SLC35F5: variants seen among roughly 807,000 people sequenced by gnomAD.
The protein encoded by SLC35F5 is solute carrier family 35 member F5.
In SLC35F5, 54 loss-of-function variants were observed where a neutral mutation model predicts 68.6. The observed-to-expected ratio is 0.79, with a 90% CI of 0.63 to 0.99. The LOEUF is 0.99. Among genes scored for constraint, SLC35F5 ranks in the 50% least tolerant of loss-of-function variants. The pLI is 0.00. For synonymous variants in SLC35F5, 211 were observed against 205.2 expected (o/e 1.03, Z -0.24); for missense variants, 567 against 626.9 (o/e 0.90, Z 1.02).
rs1380171759 is a variant in SLC35F5 at position 113,714,722 on chromosome 2, GT to G, written c.*495del. 2 of 152,094 alleles carry G rather than the reference GT, an allele frequency of 1.3e-5. No individual in the cohort carries two copies. The highest frequency in any genetic ancestry group is 4.8e-5 in the African/African-American group (2 of 41,402). 9.4% of individuals were successfully genotyped at this position (152,094 alleles called of 1,614,324 possible). ...GTTGCATAAATTAAACATTTTTTGTGTGGTTAATTTGCAATATTCTACAAAA... is the reference window on the plus strand; with the variant it reads ...GTTGCATAAATTAAACATTTTTTGTGGGTTAATTTGCAATATTCTACAAAA... On this transcript the variant is annotated 3_prime_UTR_variant, in exon 16 of 16. Transcript: ENST00000245680.
chr2:113,727,205 T>TA, intron 11 of SLC35F5, among the ~76,000 whole-genome samples: 1 of 152,276 alleles, frequency 6.6e-6, no homozygotes, highest in South Asian at 2.1e-4. Context: ...CCCTTCACCT[T>TA]ACGTCATGAT....
chr2:113,755,435 G>A lies in SLC35F5; in HGVS notation c.131+19C>T, dbSNP rs764039388. 4.0e-5 allele frequency: 64 copies of A among 1,612,678 alleles called. No homozygotes were observed. The East Asian group carries it at 1.3e-3, about 33-fold the overall frequency. On this transcript the variant is annotated intron_variant, in intron 2 of 15. Coordinates refer to ENST00000245680, the MANE Select transcript of SLC35F5 (RefSeq NM_025181.5). ...ATGTTCAGTGTGAAAGTTACATAGAGGATAAACGTGGAATCTACCTTGTCT... is the reference window on the plus strand; with the variant it reads ...ATGTTCAGTGTGAAAGTTACATAGAAGATAAACGTGGAATCTACCTTGTCT...
At chr2:113,733,706 C>T (rs1223032766) in intron 9 of SLC35F5, among the ~76,000 whole-genome samples, 1 of 152,222 alleles carries the variant, frequency 6.6e-6, no homozygotes, top group Admixed American at 6.5e-5. Context: ...CAATACCAGA[C>T]ACTTCATAGC....
downstream of SLC35F5, among the ~76,000 whole-genome samples, chr2:113,704,675 G>T (rs970720568): frequency 1.3e-5 from 2 of 151,864 alleles, no homozygotes; most frequent in African/African-American, 4.8e-5. Context: ...GCCCGGGGCC[G>T]GCAGGGCCTG....
At chr2:113,728,833 C>G (rs551931546) in intron 11 of SLC35F5, among the ~76,000 whole-genome samples, 1 of 152,294 alleles carries the variant, frequency 6.6e-6, no homozygotes, top group East Asian at 1.9e-4. Flanking sequence ...GAACTGATGT[C>G]AGGCAAAGGA....
intron 11 of SLC35F5, among the ~76,000 whole-genome samples, chr2:113,728,607 G>C (rs1687757681): frequency 6.6e-6 from 1 of 152,130 alleles, no homozygotes. Context: ...TCACAGTTTA[G>C]AGGCCATTCA....
rs1237535716 is a variant in SLC35F5 at position 113,709,451 on chromosome 2, C to T, written c.*5767G>A. On this transcript the variant is annotated 3_prime_UTR_variant, in exon 16 of 16. Transcript: ENST00000245680. The stretch of plus-strand genomic sequence containing the variant: ...ATAGCTGAGAAGAGTGAGGGAAGGA[C>T]GGACCATGGGAGTCAGCATTTTTCA... Among the ~76,000 whole-genome samples the T allele has an allele frequency of 3.9e-5, 6 of 152,300 alleles. No homozygotes were observed. Among genetic ancestry groups the T allele is most frequent in the Non-Finnish European group, 7.4e-5 (5 of 68,020 alleles).
In SLC35F5 at chr2:113,707,302, A is replaced by C. The variant is rs1386571098; in HGVS notation, c.*7916T>G. Among the ~76,000 whole-genome samples, 1 of 152,214 alleles carries C rather than the reference A, an allele frequency of 6.6e-6. No homozygotes were observed. The highest frequency in any genetic ancestry group is 6.5e-5 in the Admixed American group (1 of 15,280). On this transcript the variant is annotated 3_prime_UTR_variant, in exon 16 of 16. Transcript: ENST00000245680. Reference sequence around the variant, plus strand: ...TTACTCAATACAGGCCTATCAGATAAAACTAAAATGCTGCAACTTAATCAG... The same window carrying C: ...TTACTCAATACAGGCCTATCAGATACAACTAAAATGCTGCAACTTAATCAG...
At chr2:113,744,518 G>C (rs905603317) in intron 5 of SLC35F5, among the ~76,000 whole-genome samples, 1 of 152,244 alleles carries the variant, frequency 6.6e-6, no homozygotes, top group East Asian at 1.9e-4. Flanking sequence ...AGGCGAGGCT[G>C]AGGCGGGCAG....
chr2:113,742,149 T>A (rs573482014), intron 7 of SLC35F5: 1 of 152,620 alleles, frequency 6.6e-6, no homozygotes, highest in Admixed American at 6.5e-5. Flanking sequence ...CATTATTCTA[T>A]GTGAAATCTT....
intron 7 of SLC35F5, among the ~76,000 whole-genome samples, chr2:113,736,169 C>T (rs899054557): frequency 1.2e-4 from 18 of 150,798 alleles, no homozygotes; most frequent in African/African-American, 2.9e-4. Flanking sequence ...CTAGGCTGCG[C>T]GTAGTGGCTC....
In SLC35F5 at chr2:113,750,341, C is replaced by T. The variant is rs1265426186; in HGVS notation, c.417+84G>A. 3 of 1,294,166 alleles carry T rather than the reference C, an allele frequency of 2.3e-6. No homozygotes were observed. In the East Asian group the frequency reaches 7.7e-5, roughly 33 times the overall value. 80.2% of individuals were successfully genotyped at this position (1,294,166 alleles called of 1,614,324 possible). ...CTGAACAACTTAAAATATGACCGTC[C>T]TTAAAGAAACTAATACATCTTTAAA... On this transcript the variant is annotated intron_variant, in intron 4 of 15. Transcript: ENST00000245680.
chr2:113,720,326 T>TAAAAAAA (rs35908818), intron 13 of SLC35F5, among the ~76,000 whole-genome samples: 1 of 139,060 alleles, frequency 7.2e-6, no homozygotes, highest in Non-Finnish European at 1.6e-5. Context: ...CTTTGAGAAT[T>TAAAAAAA]AAAAAAAAAA....
chr2:113,755,503 T>A lies in SLC35F5; in HGVS notation c.82A>T (p.Lys28Ter). ...TCCTCAAGAGCAATGCCGGAAAACT[T>A]GGCAGATCTCAGTCTAAAAGGAGGT... ...SSPPFRLRSA[K>*]FSGIALEDLR... Residue 28 changes from lysine (K) to a stop codon, truncating the protein, a stop_gained, in exon 2 of 16, where the codon AAG becomes TAG. Coordinates refer to ENST00000245680, the MANE Select transcript of SLC35F5 (RefSeq NM_025181.5). LOFTEE classifies it high-confidence loss of function. 1.2e-6 allele frequency: 2 copies of A among 1,614,130 alleles called. No homozygotes were observed. The highest frequency in any genetic ancestry group is 1.7e-6 in the Non-Finnish European group (2 of 1,180,010).
rs775101320 is a variant in SLC35F5 at position 113,731,660 on chromosome 2, A to G, written c.921-12T>C. 2 of 1,607,034 alleles carry G rather than the reference A, an allele frequency of 1.2e-6. No homozygotes were observed. The highest frequency in any genetic ancestry group is 2.2e-5 in the South Asian group (2 of 90,938). On this transcript the variant is annotated splice_polypyrimidine_tract_variant and intron_variant, in intron 9 of 15. Transcript: ENST00000245680. ...CAACGCCTCCAATGCTATGAGAATA[A>G]CAGTCATTAATGATGAGCTAAAGAA...
chr2:113,727,236 C>T lies in SLC35F5; in HGVS notation c.1091-1699G>A, dbSNP rs539677931. Among the ~76,000 whole-genome samples, 23 of 152,182 alleles carry T rather than the reference C, an allele frequency of 1.5e-4. No individual in the cohort carries two copies. The South Asian group carries it at 4.6e-3, about 30-fold the overall frequency. ...ATGATTGTAAGTTTCCTGAGGCCTC[C>T]CCAGCCATGCAGAACTGTGAGTCAA... On this transcript the variant is annotated intron_variant, in intron 11 of 15. Coordinates refer to ENST00000245680, the MANE Select transcript of SLC35F5 (RefSeq NM_025181.5).
chr2:113,722,509 A>G (rs980489785), intron 13 of SLC35F5, among the ~76,000 whole-genome samples: 6 of 152,222 alleles, frequency 3.9e-5, no homozygotes, highest in Non-Finnish European at 8.8e-5. Flanking sequence ...GGGCAACAGC[A>G]TACCTCTGTT....
At chr2:113,750,371 G>GA (rs1209326435) in intron 4 of SLC35F5, 54 bp downstream of exon 4, 27 of 1,464,982 alleles carry the variant, frequency 1.8e-5, no homozygotes, top group Non-Finnish European at 2.2e-5. Flanking sequence ...TTTAAACTTT[G>GA]AAAAAACGTA....
At position 113,756,578 on chromosome 2, in the gene SLC35F5, G is replaced by C. The variant is rs1048335677; in HGVS notation, c.-169C>G. 7.0e-7 allele frequency: 1 copy of C among 1,433,608 alleles called. No individual in the cohort carries two copies. Among genetic ancestry groups the C allele is most frequent in the Admixed American group, 2.7e-5 (1 of 37,500 alleles). The allele number at this position is 1,433,608 out of a possible 1,614,324, so 88.8% of individuals were successfully genotyped here. A position where few individuals can be genotyped will look rare whatever the true frequency, so the allele number is the denominator to read the frequency against. On this transcript the variant is annotated 5_prime_UTR_variant, in exon 1 of 16. Coordinates refer to ENST00000245680, the MANE Select transcript of SLC35F5 (RefSeq NM_025181.5). ...CCACCCAACTCCACTCGGCCCAGGA[G>C]GGCGTGGAGCGGGTGAGGGGAAGGG...
Sources: allele counts gnomAD v4.1 joint callset (sites outside exome capture counted in the v4.1 genomes callset), GRCh38; gene constraint gnomAD v4.1.1; transcripts MANE v1.5; gene names NCBI Gene and HGNC (gene_info 2026-07-23, HGNC 2026-07-21).